VAMP7: variants seen among roughly 807,000 people sequenced by gnomAD.
VAMP7 encodes the protein vesicle-associated membrane protein 7.
VAMP7 carries 14 observed loss-of-function variants against 29.6 expected under a neutral mutation model. The ratio of observed to expected loss-of-function variants is 0.47; its 90% CI spans 0.31 to 0.74. VAMP7 has a LOEUF of 0.74. VAMP7 is among the 30% of genes least tolerant of loss of function. The probability of loss-of-function intolerance (pLI) is 0.05; values close to 1 mark genes in which losing one functional copy is unlikely to be tolerated. For missense variants in VAMP7, 223 were observed against 262.4 expected (o/e 0.85, Z 1.04); for synonymous variants, 95 against 88.1 (o/e 1.08, Z -0.44).
intron 6 of VAMP7, among the ~76,000 whole-genome samples, chrX:155,924,472 CT>C (rs1265009084): frequency 3.3e-5 from 5 of 152,166 alleles, no homozygotes; most frequent in African/African-American, 1.2e-4. Context: ...CTCTCAGCCC[CT>C]GGTAACTCTA....
chrX:155,881,891 A>G (rs1052415097), intron 1 of VAMP7, among the ~76,000 whole-genome samples: 1 of 152,086 alleles, frequency 6.6e-6, no homozygotes, highest in African/African-American at 2.4e-5. Flanking sequence ...TCCACTGCTC[A>G]GTATTGACAG....
intron 1 of VAMP7, among the ~76,000 whole-genome samples, chrX:155,888,979 G>A (rs895454929): frequency 2.6e-5 from 4 of 152,124 alleles, no homozygotes; most frequent in Non-Finnish European, 5.9e-5. Context: ...ATGGTACCTG[G>A]CACATAGTAA....
chrX:155,901,941 G>T (rs1407126600), intron 5 of VAMP7, among the ~76,000 whole-genome samples: 1 of 152,018 alleles, frequency 6.6e-6, no homozygotes, highest in Admixed American at 6.6e-5. Flanking sequence ...GGATGGCATT[G>T]AATCTATAAA....
chrX:155,898,099 G>GAAA lies in VAMP7; in HGVS notation c.205-12_205-11insAAA, dbSNP rs1374173389. 6 of 1,611,722 alleles carry GAAA rather than the reference G, an allele frequency of 3.7e-6. No homozygotes were observed. The African/African-American group carries it at 8.0e-5, about 22-fold the overall frequency. On this transcript the variant is annotated splice_polypyrimidine_tract_variant and intron_variant, in intron 3 of 7. Transcript: ENST00000286448. ...ACTTTCTAAATGTGAGTTCTGTGTT[G>GAAA]ATCTCTTTTCAGGATTTTGAACGTT... is the stretch of plus-strand genomic sequence containing the variant.
At chrX:155,895,372 G>A (rs1267730216) in intron 2 of VAMP7, among the ~76,000 whole-genome samples, 3 of 152,104 alleles carry the variant, frequency 2.0e-5, no homozygotes, top group South Asian at 2.1e-4. Flanking sequence ...TGCAGCTATC[G>A]TTCTAATGGG....
chrX:155,934,375 T>C (rs1021101626), intron 6 of VAMP7, among the ~76,000 whole-genome samples: 10 of 152,214 alleles, frequency 6.6e-5, no homozygotes, highest in African/African-American at 9.6e-5. Context: ...TTTATGAATC[T>C]GGGTCCTCCT....
chrX:155,902,403 A>G (rs1202386448), intron 5 of VAMP7, among the ~76,000 whole-genome samples: 4 of 149,902 alleles, frequency 2.7e-5, no homozygotes, highest in African/African-American at 4.9e-5. Flanking sequence ...TTCCAACACT[A>G]TGTTGAATAG....
intron 5 of VAMP7, among the ~76,000 whole-genome samples, chrX:155,915,742 T>G (rs1314831243): frequency 6.6e-6 from 1 of 152,180 alleles, no homozygotes; most frequent in Non-Finnish European, 1.5e-5. Flanking sequence ...TTGGTTACGA[T>G]TTCCATTTTT....
At chrX:155,908,314 C>T (rs1403966337) in intron 5 of VAMP7, among the ~76,000 whole-genome samples, 5 of 152,306 alleles carry the variant, frequency 3.3e-5, no homozygotes, top group Admixed American at 6.5e-5. Context: ...CCCGGCACCT[C>T]GGGAGGCCGA....
intron 5 of VAMP7, among the ~76,000 whole-genome samples, chrX:155,918,247 G>A (rs145467552): frequency 0.021 from 3,114 of 151,730 alleles, 54 homozygotes; most frequent in Middle Eastern, 0.051. Flanking sequence ...GCTGGGCTCC[G>A]TGGGGGTGGA....
intron 2 of VAMP7, among the ~76,000 whole-genome samples, chrX:155,889,817 ATATTT>A (rs2065905821): frequency 6.7e-6 from 1 of 148,580 alleles, no homozygotes. Flanking sequence ...TATTGAAGTG[ATATTT>A]TATTTTGAAG....
At chrX:155,901,045 G>A (rs1193915469) in intron 5 of VAMP7, among the ~76,000 whole-genome samples, 1 of 151,964 alleles carries the variant, frequency 6.6e-6, no homozygotes, top group Admixed American at 6.6e-5. Flanking sequence ...CTATGAAAAT[G>A]TCAATTGGAC....
At chrX:155,931,415 A>G (rs2124384165) in intron 6 of VAMP7, among the ~76,000 whole-genome samples, 1 of 152,216 alleles carries the variant, frequency 6.6e-6, no homozygotes, top group South Asian at 2.1e-4. Context: ...AACTGGTGTG[A>G]GATGGTATCT....
chrX:155,904,909 T>C (rs1331110628), intron 5 of VAMP7, among the ~76,000 whole-genome samples: 5 of 19,556 alleles, frequency 2.6e-4, no homozygotes, highest in Non-Finnish European at 4.6e-4. Flanking sequence ...TTATATATTA[T>C]ATATATATAT....
At chrX:155,907,498 G>C (rs963040998) in intron 5 of VAMP7, among the ~76,000 whole-genome samples, 7 of 132,184 alleles carry the variant, frequency 5.3e-5, no homozygotes, top group African/African-American at 2.0e-4. Flanking sequence ...CTGCCTTCAA[G>C]CATCTGTTTA....
At chrX:155,928,514 A>G (rs1417004085) in intron 6 of VAMP7, among the ~76,000 whole-genome samples, 1 of 152,076 alleles carries the variant, frequency 6.6e-6, no homozygotes, top group Admixed American at 6.5e-5. Context: ...TGGCTATATC[A>G]TTGTAGTCTC....
chrX:155,895,144 G>C (rs1273321019), intron 2 of VAMP7, among the ~76,000 whole-genome samples: 1 of 152,106 alleles, frequency 6.6e-6, no homozygotes, highest in African/African-American at 2.4e-5. Context: ...TGAAGACTGG[G>C]ACTTGGTGGT....
chrX:155,938,122 A>T (rs2066689684), intron 6 of VAMP7, among the ~76,000 whole-genome samples: 1 of 152,122 alleles, frequency 6.6e-6, no homozygotes, highest in African/African-American at 2.4e-5. Flanking sequence ...ACTTATTAGA[A>T]ATTTTTTTAT....
rs1357268380 is a variant in VAMP7, at chrX:155,898,796, ACGGAT to A, written c.342+549_342+553del. ...CCCCTACACTTTGCCCCAGGCAACCACGGATCTGTTTTCTATCACTATAAATTAGT... is the reference window on the plus strand; with the variant it reads ...CCCCTACACTTTGCCCCAGGCAACCACTGTTTTCTATCACTATAAATTAGT... On this transcript the variant is annotated intron_variant, in intron 4 of 7. Transcript: ENST00000286448. Among the ~76,000 whole-genome samples, 3 of 152,092 alleles carry A rather than the reference ACGGAT, an allele frequency of 2.0e-5. No individual in the cohort carries two copies. In the East Asian group the frequency reaches 5.8e-4, roughly 29 times the overall value.
Sources: gnomAD v4.1 joint callset for allele counts (sites outside exome capture counted in the v4.1 genomes callset) on GRCh38, gnomAD v4.1.1 for gene constraint, MANE v1.5 for transcripts, NCBI Gene and HGNC (gene_info 2026-07-23, HGNC 2026-07-21) for gene names.